TRIM23: variants seen among roughly 807,000 people sequenced by gnomAD.
TRIM23 encodes the protein tripartite motif containing 23, also known as E3 ubiquitin-protein ligase TRIM23.
TRIM23 carries 27 observed loss-of-function variants against 71.0 expected under a neutral mutation model. The ratio of observed to expected loss-of-function variants is 0.38; its 90% CI spans 0.28 to 0.52. The LOEUF is 0.52. Ranked by LOEUF, TRIM23 falls within the 20% of genes least tolerant of loss-of-function variation. The pLI is 0.84. For missense variants in TRIM23, 482 were observed against 692.3 expected (o/e 0.70, Z 3.41); for synonymous variants, 234 against 238.0 (o/e 0.98, Z 0.16).
intron 7 of TRIM23, among the ~76,000 whole-genome samples, chr5:65,600,622 TAAAA>T (rs34809421): frequency 2.0e-5 from 2 of 102,324 alleles, no homozygotes; most frequent in African/African-American, 3.6e-5. Flanking sequence ...AAAAGCACAG[TAAAA>T]AAAAAAAAAA....
At chr5:65,611,200 CTG>C (rs1158727082) in intron 4 of TRIM23, among the ~76,000 whole-genome samples, 157 bp from the exon 5 acceptor site, 1 of 152,160 alleles carries the variant, frequency 6.6e-6, no homozygotes, top group Non-Finnish European at 1.5e-5. Context: ...TATAAGAAAA[CTG>C]TACTGCAAAG....
chr5:65,599,337 C>A (rs1329056572), intron 7 of TRIM23, among the ~76,000 whole-genome samples: 2 of 152,094 alleles, frequency 1.3e-5, no homozygotes, highest in East Asian at 1.9e-4. Flanking sequence ...TTTCAGGGAT[C>A]ATTTTTATAG....
chr5:65,590,021 C>A lies in TRIM23; in HGVS notation c.*1748G>T. On this transcript the variant is annotated 3_prime_UTR_variant, in exon 11 of 11. Coordinates refer to ENST00000231524, the MANE Select transcript of TRIM23 (RefSeq NM_001656.4). ...AAATGAATCACACACAAACACCTACCATTATACATACATTATAATCAGGCA... is the reference window on the plus strand; with the variant it reads ...AAATGAATCACACACAAACACCTACAATTATACATACATTATAATCAGGCA... The A allele has an allele frequency of 3.3e-6, 1 of 299,094 alleles. No homozygotes were observed. Among genetic ancestry groups the A allele is most frequent in the Non-Finnish European group, 6.4e-6 (1 of 155,822 alleles). The allele number at this position is 299,094 out of a possible 1,614,324, so 18.5% of individuals were successfully genotyped here. A position where few individuals can be genotyped will look rare whatever the true frequency, so the allele number is the denominator to read the frequency against.
At chr5:65,600,642 C>CAAAAAAAAAAAAAAAAAAAAAAA (rs1754337762) in intron 7 of TRIM23, among the ~76,000 whole-genome samples, 1 of 117,954 alleles carries the variant, frequency 8.5e-6, no homozygotes. Flanking sequence ...AAAAAAAAAG[C>CAAAAAAAAAAAAAAAAAAAAAAA]AAAAATAGAC....
intron 1 of TRIM23, among the ~76,000 whole-genome samples, chr5:65,623,143 T>C (rs923868232): frequency 6.6e-6 from 1 of 152,238 alleles, no homozygotes; most frequent in East Asian, 1.9e-4. Flanking sequence ...TTTGCTGTCA[T>C]ATAAAACCAA....
intron 4 of TRIM23, 151 bp downstream of exon 4, chr5:65,611,451 CT>C (rs1754647621): frequency 2.7e-6 from 2 of 731,712 alleles, no homozygotes; most frequent in South Asian, 7.1e-5. Flanking sequence ...AATTAAATCT[CT>C]CATTTATTTT....
chr5:65,609,897 T>C (rs1372473384), intron 5 of TRIM23, among the ~76,000 whole-genome samples: 2 of 152,188 alleles, frequency 1.3e-5, no homozygotes, highest in Non-Finnish European at 2.9e-5. Context: ...TCTTGGTAAA[T>C]GGCAACTCCA....
At chr5:65,613,807 C>T in intron 3 of TRIM23, 2 of 1,313,408 alleles carry the variant, frequency 1.5e-6, no homozygotes, top group Non-Finnish European at 2.0e-6. Context: ...ACATATCTTT[C>T]TTACTATTCC....
At chr5:65,614,052 A>G in intron 3 of TRIM23, 46 bp downstream of exon 3, 2 of 1,593,680 alleles carry the variant, frequency 1.3e-6, no homozygotes, top group East Asian at 4.5e-5. Flanking sequence ...CTATTAAAAG[A>G]AAAATTCATG....
chr5:65,593,957 C>A (rs1754119310), intron 10 of TRIM23, among the ~76,000 whole-genome samples: 1 of 152,172 alleles, frequency 6.6e-6, no homozygotes, highest in South Asian at 2.1e-4. Flanking sequence ...TTTGATGACT[C>A]CTCCTTGCTC....
intron 1 of TRIM23, among the ~76,000 whole-genome samples, chr5:65,622,044 G>A (rs541301357): frequency 2.0e-4 from 31 of 152,050 alleles, no homozygotes; most frequent in Middle Eastern, 3.4e-3. Flanking sequence ...TGTTGCCCAG[G>A]CTGGTCTCAA....
intron 7 of TRIM23, chr5:65,604,589 G>T (rs151059077): frequency 1.1e-4 from 19 of 174,082 alleles, no homozygotes; most frequent in Admixed American, 3.8e-4. Flanking sequence ...GTGGGTGATG[G>T]ATACAGGAAG....
intron 2 of TRIM23, among the ~76,000 whole-genome samples, chr5:65,615,836 C>T (rs1754765062): frequency 6.6e-6 from 1 of 152,208 alleles, no homozygotes; most frequent in South Asian, 2.1e-4. Context: ...ACTCTATAAT[C>T]TCAATGGCTT....
intron 5 of TRIM23, among the ~76,000 whole-genome samples, chr5:65,610,656 C>G (rs1754625610): frequency 6.6e-6 from 1 of 152,188 alleles, no homozygotes; most frequent in African/African-American, 2.4e-5. Flanking sequence ...GCACCCTGTA[C>G]TTCTCCTCCA....
At chr5:65,593,621 C>T (rs1754103786) in intron 10 of TRIM23, among the ~76,000 whole-genome samples, 1 of 152,120 alleles carries the variant, frequency 6.6e-6, no homozygotes. Context: ...CTTCCCCTCC[C>T]ATGACATCTC....
chr5:65,596,661 C>G, intron 8 of TRIM23, 130 bp from the exon 9 acceptor site: 1 of 638,384 alleles, frequency 1.6e-6, no homozygotes, highest in Non-Finnish European at 2.7e-6. Flanking sequence ...TCTACTGAAG[C>G]CTAATCAACC....
At chr5:65,612,811 T>C (rs567709237) in intron 3 of TRIM23, among the ~76,000 whole-genome samples, 1 of 152,148 alleles carries the variant, frequency 6.6e-6, no homozygotes, top group Non-Finnish European at 1.5e-5. Flanking sequence ...AGAGTGAGAC[T>C]CTGTCTTAAA....
intron 1 of TRIM23, 63 bp from the exon 2 acceptor site, chr5:65,618,318 A>C: frequency 1.4e-6 from 2 of 1,451,862 alleles, no homozygotes; most frequent in Non-Finnish European, 1.8e-6. Flanking sequence ...TATTTTAGGT[A>C]TATAAGAAAA....
At chr5:65,604,433 A>G (rs1754443869) in intron 7 of TRIM23, among the ~76,000 whole-genome samples, 1 of 152,060 alleles carries the variant, frequency 6.6e-6, no homozygotes, top group Non-Finnish European at 1.5e-5. Context: ...TCTTTTGGAG[A>G]TACACCCTAA....
Sources: gnomAD v4.1 joint callset for allele counts (sites outside exome capture counted in the v4.1 genomes callset) on GRCh38, gnomAD v4.1.1 for gene constraint, MANE v1.5 for transcripts, NCBI Gene and HGNC (gene_info 2026-07-23, HGNC 2026-07-21) for gene names.